The following SUSD1 variants were observed in gnomAD, a reference collection of about 807,000 sequenced individuals.
SUSD1 encodes the protein sushi domain-containing protein 1.
SUSD1 carries 65 observed loss-of-function variants against 86.9 expected under a neutral mutation model. The observed-to-expected ratio is 0.75, with a 90% confidence interval of 0.61 to 0.92. The LOEUF is 0.92. Ranked by LOEUF, SUSD1 falls within the 40% of genes least tolerant of loss-of-function variation. The probability of loss-of-function intolerance (pLI) is 0.00; values close to 1 mark genes in which losing one functional copy is unlikely to be tolerated. For synonymous variants in SUSD1, 346 were observed against 350.0 expected, an observed-to-expected ratio of 0.99 and a Z score of 0.13; for missense variants, 850 against 929.7, an observed-to-expected ratio of 0.91 and a Z score of 1.11.
At chr9:112,111,923 A>G (rs1831118372) in intron 7 of SUSD1, 83 bp from the exon 8 acceptor site, 9 of 1,413,066 alleles carry the variant, frequency 6.4e-6, no homozygotes, top group East Asian at 2.3e-5. Context: ...CCATTCTCCT[A>G]CTATTCTATT....
chr9:112,098,482 T>C lies in SUSD1; in HGVS notation c.1462A>G (p.Thr488Ala), dbSNP rs1393968219. ...CGTCTACACCCACCTGCTGGGGGAG[T>C]TGCTATTGTTATTTGCACTGAGTGC... Reference protein sequence around the residue: ...KRHSVQITIATPPAVKQTISN... With the variant: ...KRHSVQITIAAPPAVKQTISN... Residue 488 changes from threonine to alanine, a missense_variant, in exon 10 of 17, where the codon ACT becomes GCT. Coordinates refer to ENST00000374270, the MANE Select transcript of SUSD1 (RefSeq NM_022486.5). 1.9e-6 allele frequency: 3 copies of C among 1,612,588 alleles called. No homozygotes were observed. The East Asian group carries it at 6.7e-5, about 36-fold the overall frequency.
Position 112,060,489 on chromosome 9 carries a change from TC to T in SUSD1, c.1851-1804del, listed in dbSNP as rs201224170. Among the ~76,000 whole-genome samples the T allele has an allele frequency of 5.4e-3, 820 of 152,338 alleles. 9 individuals carry two copies. The highest frequency in any genetic ancestry group is 0.018 in the African/African-American group (760 of 41,574). On this transcript the variant is annotated intron_variant, in intron 13 of 16. Coordinates refer to ENST00000374270, the MANE Select transcript of SUSD1 (RefSeq NM_022486.5). ...CATGTTGGCCAGGCTGGTCTTGAAC[TC>T]CTGACCTCTTTAGCTGGGGGAAGTT...
intron 6 of SUSD1, among the ~76,000 whole-genome samples, chr9:112,119,702 A>G (rs977480968): frequency 6.6e-6 from 1 of 152,196 alleles, no homozygotes; most frequent in African/African-American, 2.4e-5. Context: ...ATTAACATCA[A>G]GCTTCCACCT....
Position 112,058,411 on chromosome 9 carries a change from C to T in SUSD1, c.2109+17G>A, listed in dbSNP as rs1003701033. On this transcript the variant is annotated intron_variant, in intron 14 of 16. Coordinates refer to ENST00000374270, the MANE Select transcript of SUSD1 (RefSeq NM_022486.5). Reference sequence around the variant, plus strand: ...GAAGAAAATACAGAGTTCACAAGAGCTTGGAAAGAAAGATACCTTATTCCA... The same window carrying T: ...GAAGAAAATACAGAGTTCACAAGAGTTTGGAAAGAAAGATACCTTATTCCA... 1.2e-6 allele frequency: 2 copies of T among 1,609,088 alleles called. No homozygotes were observed. The highest frequency in any genetic ancestry group is 2.7e-5 in the African/African-American group (2 of 74,788).
chr9:112,138,231 A>T (rs1321641274), intron 5 of SUSD1, among the ~76,000 whole-genome samples: 1 of 110,938 alleles, frequency 9.0e-6, no homozygotes, highest in Non-Finnish European at 1.6e-5. Flanking sequence ...CTCAAAAAAA[A>T]AATGTGTATA....
At chr9:112,077,463 G>A (rs66767149) in intron 12 of SUSD1, among the ~76,000 whole-genome samples, 11,728 of 150,814 alleles carry the variant, frequency 0.078, 552 homozygotes, top group Non-Finnish European at 0.11. Context: ...CCCTATAGCC[G>A]GAGGACTACA....
chr9:112,164,857 T>C (rs1052233745), intron 1 of SUSD1, among the ~76,000 whole-genome samples: 4 of 152,088 alleles, frequency 2.6e-5, no homozygotes, highest in Non-Finnish European at 5.9e-5. Context: ...GGCAGAAGAA[T>C]CACTTGAAGC....
chr9:112,157,072 T>C (rs1424540235), intron 2 of SUSD1, among the ~76,000 whole-genome samples: 1 of 152,202 alleles, frequency 6.6e-6, no homozygotes, highest in Non-Finnish European at 1.5e-5. Context: ...CTGACAGACA[T>C]AAGACCCAAA....
chr9:112,144,984 T>C (rs1410072103), intron 3 of SUSD1, among the ~76,000 whole-genome samples: 2 of 152,162 alleles, frequency 1.3e-5, no homozygotes, highest in Non-Finnish European at 2.9e-5. Flanking sequence ...GGCATGCCTA[T>C]GGTCCCAGTT....
intron 8 of SUSD1, 129 bp downstream of exon 8, chr9:112,111,525 C>A (rs1020323998): frequency 1.6e-6 from 2 of 1,220,440 alleles, no homozygotes; most frequent in African/African-American, 1.5e-5. Flanking sequence ...GTGGCTGGAG[C>A]AACTACATCT....
intron 8 of SUSD1, among the ~76,000 whole-genome samples, chr9:112,103,904 C>T (rs1394780506): frequency 6.6e-6 from 1 of 152,218 alleles, no homozygotes; most frequent in Non-Finnish European, 1.5e-5. Context: ...CAAGACAAAT[C>T]AATGACCCAT....
chr9:112,169,980 T>C (rs1226214897), intron 1 of SUSD1, among the ~76,000 whole-genome samples: 1 of 152,158 alleles, frequency 6.6e-6, no homozygotes, highest in Non-Finnish European at 1.5e-5. Context: ...AAGCTGAGTG[T>C]ATCCTTTTTC....
At chr9:112,061,451 T>G (rs1445918433) in intron 13 of SUSD1, among the ~76,000 whole-genome samples, 3 of 152,194 alleles carry the variant, frequency 2.0e-5, no homozygotes, top group African/African-American at 4.8e-5. Context: ...CTCGAATGAC[T>G]CACAGTTCTC....
intron 4 of SUSD1, 129 bp downstream of exon 4, chr9:112,143,342 T>A: frequency 1.1e-6 from 1 of 941,694 alleles, no homozygotes; most frequent in East Asian, 2.5e-5. Flanking sequence ...CTTTATGTCA[T>A]AGGTTGTACA....
At chr9:112,072,126 A>C (rs1178322150) in intron 12 of SUSD1, among the ~76,000 whole-genome samples, 7 of 127,196 alleles carry the variant, frequency 5.5e-5, no homozygotes, top group African/African-American at 1.2e-4. Flanking sequence ...ATTCTTTTTT[A>C]TTTCTTTCTT....
intron 12 of SUSD1, among the ~76,000 whole-genome samples, chr9:112,077,262 G>A (rs1197561961): frequency 6.6e-6 from 1 of 152,092 alleles, no homozygotes; most frequent in Non-Finnish European, 1.5e-5. Flanking sequence ...GACAGGAAGG[G>A]AGGCAGAACA....
At position 112,058,615 on chromosome 9, in the gene SUSD1, G is replaced by A. The variant is rs1828560860; in HGVS notation, c.1922C>T (p.Ser641Phe). 1 of 1,614,192 alleles carries A rather than the reference G, an allele frequency of 6.2e-7. No homozygotes were observed. Among genetic ancestry groups the A allele is most frequent in the Non-Finnish European group, 8.5e-7 (1 of 1,180,022 alleles). ...TFSCDSEGASSFFSNASDADG... is the reference protein window; with the variant it reads ...TFSCDSEGASFFFSNASDADG... ...AGCATCAGAGGCGTTGCTAAAGAAG[G>A]AGGAAGCGCCTTCAGAATCACAAGA... The change falls in exon 14 of 17, where the codon TCC (serine) becomes TTC (phenylalanine). Residue 641 changes from serine (S) to phenylalanine (F), a missense_variant. Transcript: ENST00000374270.
chr9:112,157,855 G>C (rs541179801), intron 1 of SUSD1, among the ~76,000 whole-genome samples: 31 of 138,950 alleles, frequency 2.2e-4, no homozygotes, highest in African/African-American at 7.9e-4. Context: ...ACATGGTCTT[G>C]CTCTGTTGCC....
chr9:112,170,710 T>TATAGAGAGAGAG (rs758442726), intron 1 of SUSD1, among the ~76,000 whole-genome samples: 3,621 of 113,676 alleles, frequency 0.032, 77 homozygotes, highest in South Asian at 0.055. Flanking sequence ...TATATATATA[T>TATAGAGAGAGAG]AGAGAGAGAG....
Sources: gnomAD v4.1 joint callset for allele counts (sites outside exome capture counted in the v4.1 genomes callset) on GRCh38, gnomAD v4.1.1 for gene constraint, MANE v1.5 for transcripts, NCBI Gene and HGNC (gene_info 2026-07-23, HGNC 2026-07-21) for gene names.